Variants in ITGA8 observed in about 807,000 individuals in gnomAD.
ITGA8 encodes the protein integrin alpha-8.
Under a neutral mutation model 142.3 loss-of-function variants are expected in ITGA8, and 91 were observed. The observed-to-expected ratio is 0.64, with a 90% CI of 0.54 to 0.76. ITGA8 has a LOEUF of 0.76. ITGA8 is among the 30% of genes least tolerant of loss of function. The pLI, the probability that ITGA8 is intolerant of heterozygous loss-of-function variation, is 0.00. For missense variants in ITGA8, 1,406 were observed against 1,327.7 expected, an observed-to-expected ratio of 1.06 and a Z score of -0.92; for synonymous variants, 505 against 485.2, an observed-to-expected ratio of 1.04 and a Z score of -0.54.
At chr10:15,528,538 C>T (rs898138611) in intron 28 of ITGA8, among the ~76,000 whole-genome samples, 1 of 87,856 alleles carries the variant, frequency 1.1e-5, no homozygotes, top group Non-Finnish European at 2.3e-5. Context: ...AATTCAATAA[C>T]AGGGGTGGCA....
chr10:15,695,742 C>T (rs1435586380), intron 2 of ITGA8, among the ~76,000 whole-genome samples: 1 of 152,134 alleles, frequency 6.6e-6, no homozygotes, highest in Non-Finnish European at 1.5e-5. Context: ...ATGAGAGGCT[C>T]AGGAGAGATT....
intron 21 of ITGA8, chr10:15,596,483 A>G (rs1448312850): frequency 6.6e-6 from 1 of 152,238 alleles, no homozygotes; most frequent in Non-Finnish European, 1.5e-5. Flanking sequence ...CAATCAATCC[A>G]TGGTAACCAA....
At chr10:15,536,805 G>A in intron 27 of ITGA8, among the ~76,000 whole-genome samples, 1 of 152,162 alleles carries the variant, frequency 6.6e-6, no homozygotes, top group East Asian at 1.9e-4. Flanking sequence ...TTGCTTATAG[G>A]CATGGTACCA....
chr10:15,718,081 G>A (rs1455399285), intron 2 of ITGA8, among the ~76,000 whole-genome samples: 1 of 152,186 alleles, frequency 6.6e-6, no homozygotes, highest in African/African-American at 2.4e-5. Context: ...TAATGTTTTT[G>A]AAAGCATCGC....
chr10:15,547,271 T>G (rs1290136488), intron 27 of ITGA8, among the ~76,000 whole-genome samples: 1 of 152,236 alleles, frequency 6.6e-6, no homozygotes, highest in African/African-American at 2.4e-5. Context: ...GATTTTAAAC[T>G]TTTAAAATGC....
In ITGA8 at chr10:15,644,210, C is replaced by T. The variant is rs374664941; in HGVS notation, c.1219G>A (p.Gly407Arg). Residue 407 changes from glycine (G) to arginine (R), a missense_variant, in exon 13 of 30, where the codon GGA (glycine) becomes AGA (arginine). Coordinates refer to ENST00000378076, the MANE Select transcript of ITGA8 (RefSeq NM_003638.3). ...TGATCCTTGCCTGCAAAAGGCACTC[C>T]GATGGCAATGTCTAAAAACAGACAT... The part of the protein sequence containing the change: ...NQDGYNDIAI[G>R]VPFAGKDQRG... The T allele has an allele frequency of 1.1e-5, 18 of 1,613,038 alleles. No homozygotes were observed. Among genetic ancestry groups the T allele is most frequent in the Middle Eastern group, 1.6e-4 (1 of 6,082 alleles).
chr10:15,711,466 G>GT lies in ITGA8; in HGVS notation c.343+7299dup, dbSNP rs542885797. 4.9e-4 allele frequency among the ~76,000 whole-genome samples: 75 copies of GT among 151,860 alleles called. No homozygotes were observed. The South Asian group carries it at 0.015, about 31-fold the overall frequency. ...TAACTCTCTTGCCTTCTCCATAAAG[G>GT]TTTTTTCTCTTCATCTTTTTGTTCA... On this transcript the variant is annotated intron_variant, in intron 2 of 29. Transcript: ENST00000378076.
At chr10:15,681,541 A>G (rs529165837) in intron 4 of ITGA8, among the ~76,000 whole-genome samples, 45 of 152,182 alleles carry the variant, frequency 3.0e-4, no homozygotes, top group Non-Finnish European at 5.4e-4. Context: ...AAATGGTTCA[A>G]ACTCACTCTG....
At chr10:15,541,799 CA>C (rs1833574585) in intron 27 of ITGA8, among the ~76,000 whole-genome samples, 1 of 148,416 alleles carries the variant, frequency 6.7e-6, no homozygotes. Flanking sequence ...CACAACCTCA[CA>C]AGTTTTTTTT....
At chr10:15,532,913 T>A (rs1173069338) in intron 27 of ITGA8, among the ~76,000 whole-genome samples, 1 of 152,246 alleles carries the variant, frequency 6.6e-6, no homozygotes, top group African/African-American at 2.4e-5. Context: ...GGATGTGATT[T>A]ATGTCTACTG....
chr10:15,548,545 T>A lies in ITGA8; in HGVS notation c.2790A>T (p.Leu930Phe). Reference sequence around the variant, plus strand: ...GTCGTCCCACTGCACAGGAGATTTGTAAACACTCGATATTTGTACAATTCT... The same window carrying A: ...GTCGTCCCACTGCACAGGAGATTTGAAAACACTCGATATTTGTACAATTCT... ...KILNCTNIEC[L>F]QISCAVGRLE... The change falls in exon 27 of 30, where the codon TTA (leucine) becomes TTT (phenylalanine). Residue 930 changes from leucine (L) to phenylalanine (F), a missense_variant. Transcript: ENST00000378076. 1 of 1,610,560 alleles carries A rather than the reference T, an allele frequency of 6.2e-7. No homozygotes were observed. Among genetic ancestry groups the A allele is most frequent in the Non-Finnish European group, 8.5e-7 (1 of 1,178,780 alleles).
rs1564424238 is a variant in ITGA8, at chr10:15,719,811, G to C, written c.-40C>G. 7.7e-7 allele frequency: 1 copy of C among 1,307,128 alleles called. No homozygotes were observed. The highest frequency in any genetic ancestry group is 3.2e-5 in the East Asian group (1 of 31,742). 81.0% of individuals were successfully genotyped at this position (1,307,128 alleles called of 1,614,324 possible). A position where few individuals can be genotyped will look rare whatever the true frequency, so the allele number is the denominator to read the frequency against. On this transcript the variant is annotated 5_prime_UTR_variant, in exon 1 of 30. Coordinates refer to ENST00000378076, the MANE Select transcript of ITGA8 (RefSeq NM_003638.3). ...GTGGGTGGCTGCTACCCAGGAGCGC[G>C]AGCCGAGGACCCCTGCGGGGCAAGG...
intron 7 of ITGA8, 95 bp downstream of exon 7, chr10:15,672,529 A>G (rs557880809): frequency 7.1e-7 from 1 of 1,416,698 alleles, no homozygotes; most frequent in South Asian, 1.4e-5. Flanking sequence ...ATAAGATGCC[A>G]AATAACATCG....
rs114344750 is a variant in ITGA8 at position 15,519,778 on chromosome 10, A to G, written c.2983-366T>C. 9.3e-3 allele frequency among the ~76,000 whole-genome samples: 1,421 copies of G among 152,208 alleles called. 17 individuals are homozygous for G. Among genetic ancestry groups the G allele is most frequent in the African/African-American group, 0.033 (1,373 of 41,526 alleles). On this transcript the variant is annotated intron_variant, in intron 28 of 29. Coordinates refer to ENST00000378076, the MANE Select transcript of ITGA8 (RefSeq NM_003638.3). ...GTAGACTCAATAAAAAACTGAATGA[A>G]TCTGTCTACCATGTGTCTCCTTAGA...
intron 13 of ITGA8, among the ~76,000 whole-genome samples, chr10:15,618,418 T>C (rs528504500): frequency 6.6e-6 from 1 of 152,318 alleles, no homozygotes; most frequent in East Asian, 1.9e-4. Flanking sequence ...ATTAAATTGG[T>C]GTAATAGAAT....
intron 26 of ITGA8, among the ~76,000 whole-genome samples, chr10:15,555,464 A>G (rs1833870005): frequency 6.6e-6 from 1 of 152,222 alleles, no homozygotes; most frequent in Non-Finnish European, 1.5e-5. Context: ...GGCTGTCAGG[A>G]CTGCGGACAG....
At chr10:15,535,027 G>A (rs1034502470) in intron 27 of ITGA8, among the ~76,000 whole-genome samples, 1 of 152,192 alleles carries the variant, frequency 6.6e-6, no homozygotes, top group Non-Finnish European at 1.5e-5. Flanking sequence ...GTGCTTGCGG[G>A]CCAGTGTGAG....
At chr10:15,575,728 A>T (rs1443451370) in intron 23 of ITGA8, 134 bp from the exon 24 acceptor site, 3 of 653,530 alleles carry the variant, frequency 4.6e-6, no homozygotes, top group Non-Finnish European at 8.2e-6. Context: ...TACAGGGAAA[A>T]ATATTGAAAG....
intron 15 of ITGA8, among the ~76,000 whole-genome samples, chr10:15,610,495 G>A (rs1453908884): frequency 1.6e-5 from 1 of 62,422 alleles, no homozygotes; most frequent in African/African-American, 5.6e-5. Context: ...AAATAGGTCT[G>A]ATTGGAACAA....
Sources: allele counts gnomAD v4.1 joint callset (sites outside exome capture counted in the v4.1 genomes callset), GRCh38; gene constraint gnomAD v4.1.1; transcripts MANE v1.5; gene names NCBI Gene and HGNC (gene_info 2026-07-23, HGNC 2026-07-21).